The following PRKCB variants were observed in gnomAD, a reference collection of about 807,000 sequenced individuals.
PRKCB encodes the protein protein kinase C beta.
Under a neutral mutation model 81.5 loss-of-function variants are expected in PRKCB, and 13 were observed. The observed-to-expected ratio is 0.16, with a 90% CI of 0.10 to 0.25. The LOEUF is 0.25. Ranked by LOEUF, PRKCB falls within the 10% of genes least tolerant of loss-of-function variation. PRKCB has a pLI of 1.00. For missense variants in PRKCB, 509 were observed against 875.7 expected (o/e 0.58, Z 5.29); for synonymous variants, 335 against 321.4 (o/e 1.04, Z -0.45).
chr16:23,874,098 A>G (rs1034911552), intron 2 of PRKCB, among the ~76,000 whole-genome samples: 4 of 152,214 alleles, frequency 2.6e-5, no homozygotes, highest in Non-Finnish European at 2.9e-5. Context: ...GTACACATGT[A>G]TTTACTAAAA....
chr16:23,997,192 A>G (rs1385063369), intron 3 of PRKCB, among the ~76,000 whole-genome samples: 1 of 152,190 alleles, frequency 6.6e-6, no homozygotes, highest in Admixed American at 6.5e-5. Flanking sequence ...GAAGGAAGTT[A>G]TGAAGTTGGC....
chr16:24,187,434 G>T (rs1232448583), intron 15 of PRKCB, among the ~76,000 whole-genome samples: 2 of 152,180 alleles, frequency 1.3e-5, no homozygotes, highest in Non-Finnish European at 1.5e-5. Context: ...CTAAACAGCT[G>T]AATACTGTAA....
At chr16:24,071,165 C>G (rs949602689) in intron 5 of PRKCB, among the ~76,000 whole-genome samples, 6 of 152,182 alleles carry the variant, frequency 3.9e-5, no homozygotes, top group African/African-American at 1.2e-4. Flanking sequence ...AGGGGAGGAG[C>G]TTAATGACCT....
rs759548439 is a variant in PRKCB at position 24,154,893 on chromosome 16, AG to A, written c.1239+39del. On this transcript the variant is annotated intron_variant, in intron 10 of 16. Coordinates refer to ENST00000643927, the MANE Select transcript of PRKCB (RefSeq NM_002738.7). ...CCATGGCCCTGGGTATTCCACCTCC[AG>A]GGCTTCACCAGGCTTTGGCCAAAGC... 8.6e-5 allele frequency: 137 copies of A among 1,597,508 alleles called. No homozygotes were observed. In the South Asian group the frequency reaches 1.5e-3, roughly 17 times the overall value.
chr16:23,836,250 C>T lies in PRKCB; in HGVS notation c.75C>T (p.Ala25=). The T allele has an allele frequency of 6.2e-7, 1 of 1,602,332 alleles. No individual in the cohort carries two copies. The highest frequency in any genetic ancestry group is 8.5e-7 in the Non-Finnish European group (1 of 1,174,784). ...ESTVRFARKG[A]LRQKNVHEVK... is the part of the protein sequence containing the mutation. Reference sequence around the variant, plus strand: ...CCGTGCGCTTCGCCCGCAAAGGCGCCCTCCGGCAGAAGAACGTGCATGAGG... The same window carrying T: ...CCGTGCGCTTCGCCCGCAAAGGCGCTCTCCGGCAGAAGAACGTGCATGAGG... The change falls in exon 1 of 17, where the codon GCC becomes GCT. Residue 25 remains alanine (A), a synonymous_variant. Transcript: ENST00000643927.
At chr16:24,061,838 G>T (rs553477060) in intron 5 of PRKCB, among the ~76,000 whole-genome samples, 2 of 150,630 alleles carry the variant, frequency 1.3e-5, no homozygotes, top group African/African-American at 4.9e-5. Context: ...AGGAAGCCTG[G>T]AGCGACAAAG....
Position 24,218,153 on chromosome 16 carries a change from T to C in PRKCB, c.*3337T>C. 5 of 985,332 alleles carry C rather than the reference T, an allele frequency of 5.1e-6. No individual in the cohort carries two copies. The highest frequency in any genetic ancestry group is 6.0e-6 in the Non-Finnish European group (5 of 829,918). 61.0% of individuals were successfully genotyped at this position (985,332 alleles called of 1,614,324 possible). A position where few individuals can be genotyped will look rare whatever the true frequency, so the allele number is the denominator to read the frequency against. ...CTCTCCAAGAAATTCTCCAAGAATA[T>C]TGTTTCTTGGAGAGAAATAATAAAT... On this transcript the variant is annotated 3_prime_UTR_variant, in exon 17 of 17. Transcript: ENST00000643927.
At chr16:24,173,856 A>G (rs1967485921) in intron 11 of PRKCB, among the ~76,000 whole-genome samples, 1 of 152,216 alleles carries the variant, frequency 6.6e-6, no homozygotes, top group Non-Finnish European at 1.5e-5. Context: ...AGGAATGGGG[A>G]GATACTAGTA....
intron 5 of PRKCB, among the ~76,000 whole-genome samples, chr16:24,079,229 G>A (rs377352255): frequency 3.3e-5 from 5 of 151,826 alleles, no homozygotes; most frequent in East Asian, 3.9e-4. Context: ...CTCTCTTTTC[G>A]GACTCAGCCT....
At chr16:23,969,007 T>TA (rs1964523827) in intron 2 of PRKCB, among the ~76,000 whole-genome samples, 1 of 152,066 alleles carries the variant, frequency 6.6e-6, no homozygotes, top group Non-Finnish European at 1.5e-5. Context: ...CCATCTCTAC[T>TA]AAAAATACAA....
chr16:23,986,948 G>A (rs1596499802), intron 2 of PRKCB, among the ~76,000 whole-genome samples: 1 of 152,050 alleles, frequency 6.6e-6, no homozygotes, highest in African/African-American at 2.4e-5. Context: ...TATCCTCAAA[G>A]ATAAGGATTC....
intron 2 of PRKCB, among the ~76,000 whole-genome samples, chr16:23,882,229 A>G (rs938116549): frequency 1.3e-5 from 2 of 151,322 alleles, no homozygotes; most frequent in Admixed American, 6.6e-5. Context: ...TCAGGCACAC[A>G]CTACCATGCC....
At chr16:24,028,380 C>CCTG (rs1449262604) in intron 3 of PRKCB, among the ~76,000 whole-genome samples, 2 of 152,216 alleles carry the variant, frequency 1.3e-5, no homozygotes, top group Non-Finnish European at 2.9e-5. Flanking sequence ...TGAGCCACTG[C>CCTG]TCCAGGCCAC....
intron 3 of PRKCB, among the ~76,000 whole-genome samples, chr16:24,008,663 C>T (rs545619885): frequency 6.6e-6 from 1 of 152,246 alleles, no homozygotes; most frequent in African/African-American, 2.4e-5. Context: ...GCTGCTTTTC[C>T]CCCCACCCCC....
chr16:23,958,131 AC>A (rs1292541340), intron 2 of PRKCB, among the ~76,000 whole-genome samples: 4 of 152,072 alleles, frequency 2.6e-5, no homozygotes, highest in African/African-American at 9.7e-5. Flanking sequence ...AGCTGGGATT[AC>A]AGGTGTGTGC....
chr16:23,992,473 T>C (rs78671177), intron 3 of PRKCB, among the ~76,000 whole-genome samples: 4,572 of 152,236 alleles, frequency 0.03, 204 homozygotes, highest in African/African-American at 0.1. Flanking sequence ...TAATCAACCA[T>C]TTATAAGAAG....
intron 2 of PRKCB, among the ~76,000 whole-genome samples, chr16:23,895,314 C>T (rs1371436696): frequency 6.6e-6 from 1 of 151,782 alleles, no homozygotes; most frequent in African/African-American, 2.4e-5. Context: ...CAGAGTGTCA[C>T]TGTTTTATTT....
intron 16 of PRKCB, among the ~76,000 whole-genome samples, chr16:24,201,329 G>T (rs1283643442): frequency 1.3e-5 from 2 of 152,052 alleles, no homozygotes; most frequent in Admixed American, 1.3e-4. Context: ...TCTACATCTG[G>T]TCCCAAACAA....
At chr16:23,985,260 A>AT (rs529255968) in intron 2 of PRKCB, among the ~76,000 whole-genome samples, 134 of 151,674 alleles carry the variant, frequency 8.8e-4, no homozygotes, top group African/African-American at 2.6e-3. Flanking sequence ...CGCCCAGCTA[A>AT]TTTTTTTTGT....
Sources: allele counts gnomAD v4.1 joint callset (sites outside exome capture counted in the v4.1 genomes callset), GRCh38; gene constraint gnomAD v4.1.1; transcripts MANE v1.5; gene names NCBI Gene and HGNC (gene_info 2026-07-23, HGNC 2026-07-21).